The following ERC2 variants were observed in gnomAD, a reference collection of about 807,000 sequenced individuals.
The protein encoded by ERC2 is ELKS/RAB6-interacting/CAST family member 2.
A neutral mutation model predicts 114.8 loss-of-function variants in ERC2; 42 were observed. The observed-to-expected ratio is 0.37, with a 90% CI of 0.29 to 0.47. ERC2 has a LOEUF of 0.47. Among genes scored for constraint, ERC2 ranks in the 20% least tolerant of loss-of-function variants. The pLI is 0.99. For synonymous variants in ERC2, 454 were observed against 425.5 expected (o/e 1.07, Z -0.82); for missense variants, 939 against 1,150.7 (o/e 0.82, Z 2.66).
chr3:56,022,427 T>C (rs1424006990), intron 7 of ERC2, among the ~76,000 whole-genome samples: 1 of 152,202 alleles, frequency 6.6e-6, no homozygotes, highest in Admixed American at 6.5e-5. Flanking sequence ...AAGTGACTTT[T>C]GAACAATAAG....
intron 6 of ERC2, among the ~76,000 whole-genome samples, chr3:56,131,009 G>A (rs1007859166): frequency 2.6e-5 from 4 of 152,144 alleles, no homozygotes; most frequent in African/African-American, 7.2e-5. Context: ...GGAGGGGAAA[G>A]TGTGTTGTTT....
At position 55,566,340 on chromosome 3, in the gene ERC2, C is replaced by T. The variant is rs138701056; in HGVS notation, c.*40-55064G>A. 1.3e-3 allele frequency among the ~76,000 whole-genome samples: 203 copies of T among 152,362 alleles called. 3 individuals are homozygous for T. The East Asian group carries it at 0.034, about 26-fold the overall frequency. ...GCAAGGAACAAAGTAGGCAAATAGC[C>T]TGCATGTATCAGGCCTGGTGCAAAG... On this transcript the variant is annotated intron_variant, in intron 17 of 17. Transcript: ENST00000288221.
intron 17 of ERC2, among the ~76,000 whole-genome samples, chr3:55,539,403 C>CTTTTTTTTTTTTTTTTTT (rs1173580811): frequency 1.1e-5 from 1 of 90,958 alleles, no homozygotes; most frequent in Non-Finnish European, 2.5e-5. Context: ...CTCTCTCTCT[C>CTTTTTTTTTTTTTTTTTT]TTTTTTTCTT....
chr3:56,146,979 T>A (rs1315958352), intron 5 of ERC2, among the ~76,000 whole-genome samples: 1 of 152,242 alleles, frequency 6.6e-6, no homozygotes, highest in African/African-American at 2.4e-5. Flanking sequence ...GAAGATCATA[T>A]AAATGTTTTA....
rs1323408861 is a variant in ERC2 at position 56,434,540 on chromosome 3, T to C, written c.468A>G (p.Glu156=). 1 of 1,614,014 alleles carries C rather than the reference T, an allele frequency of 6.2e-7. No individual in the cohort carries two copies. Among genetic ancestry groups the C allele is most frequent in the South Asian group, 1.1e-5 (1 of 91,088 alleles). The stretch of plus-strand genomic sequence containing the variant: ...GGAGGAGGTCATTCTCTCTCTGCAG[T>C]TCTTTCAGCTGGGCCTGAAGATCTA... The part of the protein sequence containing the change: ...TMLDLQAQLK[E]LQRENDLLRK... The change falls in exon 2 of 18, where the codon GAA becomes GAG. Residue 156 remains glutamate (E), a synonymous_variant. Transcript: ENST00000288221.
rs370811593 is a variant in ERC2, at chr3:55,722,889, C to G, written c.2712+11882G>C. The stretch of plus-strand genomic sequence containing the variant: ...CATTTATTTAAATATTTACGAATGT[C>G]AAGTCCACTGTAGGAGACGGCCATT... On this transcript the variant is annotated intron_variant, in intron 15 of 17. Transcript: ENST00000288221. 1.2e-3 allele frequency among the ~76,000 whole-genome samples: 179 copies of G among 152,294 alleles called. 1 individual carries two copies. Among genetic ancestry groups the G allele is most frequent in the African/African-American group, 4.2e-3 (175 of 41,548 alleles).
chr3:56,414,473 C>T (rs368780225), intron 2 of ERC2, among the ~76,000 whole-genome samples: 15 of 151,992 alleles, frequency 9.9e-5, no homozygotes, highest in African/African-American at 2.7e-4. Context: ...CTGTAATCCC[C>T]GCACTTTGGG....
intron 17 of ERC2, among the ~76,000 whole-genome samples, chr3:55,553,417 T>A (rs2055365982): frequency 6.6e-6 from 1 of 152,070 alleles, no homozygotes; most frequent in African/African-American, 2.4e-5. Flanking sequence ...TTATTTAATC[T>A]TCACAAGAGC....
At chr3:55,962,531 C>T (rs545063429) in intron 12 of ERC2, among the ~76,000 whole-genome samples, 1 of 152,326 alleles carries the variant, frequency 6.6e-6, no homozygotes, top group African/African-American at 2.4e-5. Flanking sequence ...ATTTGCTGAA[C>T]CCTGGTCTAG....
At chr3:56,123,364 G>A (rs1312077545) in intron 6 of ERC2, among the ~76,000 whole-genome samples, 1 of 151,952 alleles carries the variant, frequency 6.6e-6, no homozygotes, top group Non-Finnish European at 1.5e-5. Context: ...GGTGCCATCT[G>A]TGAACCAGAA....
rs542233712 is a variant in ERC2 at position 56,299,617 on chromosome 3, A to G, written c.658-3182T>C. The stretch of plus-strand genomic sequence containing the variant: ...GCTAATTTTTGTATTTTTTGTAGAG[A>G]TGAGGTATCACCATGTTGCCCAGGC... On this transcript the variant is annotated intron_variant, in intron 2 of 17. Coordinates refer to ENST00000288221, the MANE Select transcript of ERC2 (RefSeq NM_015576.3). Among the ~76,000 whole-genome samples the G allele has an allele frequency of 2.0e-5, 3 of 151,760 alleles. No individual in the cohort carries two copies. The South Asian group carries it at 6.3e-4, about 32-fold the overall frequency.
At chr3:55,646,251 G>A (rs1394946369) in intron 17 of ERC2, among the ~76,000 whole-genome samples, 1 of 152,158 alleles carries the variant, frequency 6.6e-6, no homozygotes, top group Admixed American at 6.5e-5. Context: ...ACCTGTTCAC[G>A]CATTCCTTTC....
chr3:56,256,824 C>T (rs1309578100), intron 3 of ERC2, among the ~76,000 whole-genome samples: 1 of 152,076 alleles, frequency 6.6e-6, no homozygotes, highest in Non-Finnish European at 1.5e-5. Context: ...CTCTCTCCTG[C>T]CGCCTTGTGA....
chr3:55,753,924 GAAAGCTAATTAACTCTT>G (rs2066885406), intron 14 of ERC2, among the ~76,000 whole-genome samples: 2 of 152,126 alleles, frequency 1.3e-5, no homozygotes, highest in Non-Finnish European at 1.5e-5. Context: ...GTGATTTTGG[GAAAGCTAATTAACTCTT>G]TGAATCTCAG....
chr3:56,160,311 T>G (rs1401261502), intron 4 of ERC2, among the ~76,000 whole-genome samples: 1 of 152,186 alleles, frequency 6.6e-6, no homozygotes, highest in Non-Finnish European at 1.5e-5. Flanking sequence ...TTGCCTAATT[T>G]TTCATGGAGT....
intron 13 of ERC2, among the ~76,000 whole-genome samples, chr3:55,896,460 T>C (rs2063846648): frequency 6.6e-6 from 1 of 152,206 alleles, no homozygotes; most frequent in Non-Finnish European, 1.5e-5. Context: ...TAAAAGCTTT[T>C]GACAGTCCAG....
intron 14 of ERC2, among the ~76,000 whole-genome samples, chr3:55,883,081 A>C (rs1441809493): frequency 6.6e-6 from 1 of 152,234 alleles, no homozygotes; most frequent in Non-Finnish European, 1.5e-5. Context: ...TGTTCATCTA[A>C]AAGAGTACCT....
intron 17 of ERC2, among the ~76,000 whole-genome samples, chr3:55,644,209 T>C (rs2060301822): frequency 6.6e-6 from 1 of 152,062 alleles, no homozygotes; most frequent in Non-Finnish European, 1.5e-5. Context: ...ATGAGAATAA[T>C]AATAATAGTC....
Position 56,147,832 on chromosome 3 carries a change from G to C in ERC2, c.1305+1145C>G, listed in dbSNP as rs530855226. 3.9e-5 allele frequency among the ~76,000 whole-genome samples: 6 copies of C among 152,244 alleles called. No individual in the cohort carries two copies. The South Asian group carries it at 1.2e-3, about 32-fold the overall frequency. ...ATAAAAGCATCTCACAGTCTCAAAA[G>C]ACCTATTTGGGCTATTCGTAAATTT... On this transcript the variant is annotated intron_variant, in intron 5 of 17. Coordinates refer to ENST00000288221, the MANE Select transcript of ERC2 (RefSeq NM_015576.3).
Sources: allele counts gnomAD v4.1 joint callset (sites outside exome capture counted in the v4.1 genomes callset), GRCh38; gene constraint gnomAD v4.1.1; transcripts MANE v1.5; gene names NCBI Gene and HGNC (gene_info 2026-07-23, HGNC 2026-07-21).